The following AGPAT5 variants were observed in gnomAD, a reference collection of about 807,000 sequenced individuals.
AGPAT5 encodes 1-acylglycerol-3-phosphate O-acyltransferase 5.
A neutral mutation model predicts 45.6 loss-of-function variants in AGPAT5; 46 were observed. The observed-to-expected ratio is 1.01, with a 90% CI of 0.80 to 1.29. The LOEUF (loss-of-function observed/expected upper bound fraction) is 1.29. Ranked by LOEUF, AGPAT5 falls within the 50% of genes most tolerant of loss-of-function variation. AGPAT5 has a pLI of 0.00. For missense variants in AGPAT5, 673 were observed against 450.7 expected (o/e 1.49, Z -4.47); for synonymous variants, 272 against 167.0 (o/e 1.63, Z -4.85).
intron 5 of AGPAT5, among the ~76,000 whole-genome samples, chr8:6,744,036 T>G (rs1246474441): frequency 6.6e-6 from 1 of 152,138 alleles, no homozygotes; most frequent in African/African-American, 2.4e-5. Context: ...ATAAAAATTA[T>G]TTTTATGTCT....
chr8:6,757,380 A>G lies in AGPAT5; in HGVS notation c.1087A>G (p.Lys363Glu), dbSNP rs759532840. The change falls in exon 8 of 8, where the codon AAA becomes GAA. Residue 363 changes from lysine to glutamate, a missense_variant. Coordinates refer to ENST00000285518, the MANE Select transcript of AGPAT5 (RefSeq NM_018361.5). ...ACTTGGCTGCCTGTGGGTTACTATT[A>G]AAGCATAGACAAGTAGCTGTCTCCA... ...TLLGCLWVTI[K>E]A 3.1e-6 allele frequency: 5 copies of G among 1,613,988 alleles called. No individual in the cohort carries two copies. The highest frequency in any genetic ancestry group is 2.2e-5 in the East Asian group (1 of 44,880).
chr8:6,749,048 G>A (rs891084110), intron 6 of AGPAT5, among the ~76,000 whole-genome samples: 23 of 152,310 alleles, frequency 1.5e-4, no homozygotes, highest in Non-Finnish European at 2.1e-4. Context: ...AACCTTACAC[G>A]TAGGCCTTCT....
In AGPAT5 at chr8:6,716,277, CTG is replaced by C. The variant is rs551930079; in HGVS notation, c.219+7391_219+7392del. On this transcript the variant is annotated intron_variant, in intron 1 of 7. Coordinates refer to ENST00000285518, the MANE Select transcript of AGPAT5 (RefSeq NM_018361.5). Reference sequence around the variant, plus strand: ...CTTTTAACAAAAATGGTGGAGTAGTCTGGGCACGGTGTGGCTCATGCCTGTAA... The same window carrying C: ...CTTTTAACAAAAATGGTGGAGTAGTCGGCACGGTGTGGCTCATGCCTGTAA... Among the ~76,000 whole-genome samples the C allele has an allele frequency of 2.5e-3, 382 of 152,206 alleles. 2 individuals are homozygous for C. The highest frequency in any genetic ancestry group is 8.7e-3 in the African/African-American group (361 of 41,532).
Position 6,750,508 on chromosome 8 carries a change from C to G in AGPAT5, c.745+2680C>G, listed in dbSNP as rs373015046. ...ATTTCTGAATTAAAGGAAAAATACA[C>G]CAGAGTAAAATCAAGACTGAAAGAC... On this transcript the variant is annotated intron_variant, in intron 6 of 7. Transcript: ENST00000285518. Among the ~76,000 whole-genome samples the G allele has an allele frequency of 1.8e-3, 274 of 152,228 alleles. 9 individuals carry two copies. The South Asian group carries it at 0.053, about 29-fold the overall frequency.
At chr8:6,742,497 A>G (rs926834915) in intron 5 of AGPAT5, among the ~76,000 whole-genome samples, 7 of 152,106 alleles carry the variant, frequency 4.6e-5, no homozygotes, top group Non-Finnish European at 1.0e-4. Context: ...GTTGATAGTC[A>G]CTCACTGAGC....
rs1426379286 is a variant in AGPAT5, at chr8:6,708,788, C to G, written c.120C>G (p.Ala40=). Residue 40 remains alanine (A), a synonymous_variant, in exon 1 of 8, where the codon GCC becomes GCG. Coordinates refer to ENST00000285518, the MANE Select transcript of AGPAT5 (RefSeq NM_018361.5). ...LAWGVWRLLS[A]FLPARFYQAL... ...GGGGGGTCTGGCGGCTGCTCTCCGCCTTCCTGCCCGCCCGCTTCTACCAAG... is the reference window on the plus strand; with the variant it reads ...GGGGGGTCTGGCGGCTGCTCTCCGCGTTCCTGCCCGCCCGCTTCTACCAAG... The G allele has an allele frequency of 1.2e-6, 2 of 1,609,900 alleles. No individual in the cohort carries two copies. Among genetic ancestry groups the G allele is most frequent in the African/African-American group, 2.7e-5 (2 of 74,918 alleles).
chr8:6,713,164 C>T lies in AGPAT5; in HGVS notation c.219+4277C>T, dbSNP rs544555734. Among the ~76,000 whole-genome samples the T allele has an allele frequency of 8.5e-5, 13 of 152,270 alleles. 1 individual carries two copies. In the South Asian group the frequency reaches 2.7e-3, roughly 32 times the overall value. On this transcript the variant is annotated intron_variant, in intron 1 of 7. Transcript: ENST00000285518. ...TTAAAAGTTTTTGTAGAAATGGGGTCTTTCTGTGTTGCCCAGGCTGGTCTT... is the reference window on the plus strand; with the variant it reads ...TTAAAAGTTTTTGTAGAAATGGGGTTTTTCTGTGTTGCCCAGGCTGGTCTT...
chr8:6,732,512 A>G, intron 3 of AGPAT5, 49 bp from the exon 4 acceptor site: 4 of 1,507,182 alleles, frequency 2.7e-6, no homozygotes, highest in African/African-American at 1.4e-5. Flanking sequence ...ACTCTGGCCA[A>G]TTGTTATTTT....
intron 5 of AGPAT5, 52 bp from the exon 6 acceptor site, chr8:6,747,618 A>C (rs984379506): frequency 2.5e-5 from 38 of 1,516,372 alleles, no homozygotes; most frequent in Admixed American, 1.4e-4. Flanking sequence ...TAAACAGTAT[A>C]TTGTGGAGGT....
intron 2 of AGPAT5, among the ~76,000 whole-genome samples, chr8:6,728,532 C>T (rs1236384373): frequency 6.6e-6 from 1 of 152,210 alleles, no homozygotes; most frequent in South Asian, 2.1e-4. Context: ...GGAAATCTTA[C>T]ACTTTCTCTT....
chr8:6,708,951 CG>C, intron 1 of AGPAT5, 64 bp downstream of exon 1: 1 of 1,479,572 alleles, frequency 6.8e-7, no homozygotes, highest in Non-Finnish European at 9.2e-7. Context: ...CGGACCTCTC[CG>C]CTCCCCCACA....
chr8:6,741,638 C>A, intron 4 of AGPAT5, 23 bp from the exon 5 acceptor site: 3 of 1,539,258 alleles, frequency 1.9e-6, no homozygotes, highest in Admixed American at 2.0e-5. Context: ...CAAAATAAAC[C>A]AAATTTGCTC....
At chr8:6,749,969 C>T (rs1288571212) in intron 6 of AGPAT5, among the ~76,000 whole-genome samples, 1 of 152,168 alleles carries the variant, frequency 6.6e-6, no homozygotes, top group African/African-American at 2.4e-5. Flanking sequence ...TGCCGTGAAG[C>T]CTCGGCCGTG....
chr8:6,753,646 G>A (rs1235088719), intron 6 of AGPAT5, among the ~76,000 whole-genome samples: 2 of 152,158 alleles, frequency 1.3e-5, no homozygotes, highest in Non-Finnish European at 2.9e-5. Flanking sequence ...GGAGATCCAG[G>A]CTACCTGACT....
chr8:6,728,492 G>C (rs188017695), intron 2 of AGPAT5, among the ~76,000 whole-genome samples: 66 of 152,334 alleles, frequency 4.3e-4, no homozygotes, highest in Admixed American at 3.5e-3. Flanking sequence ...GCATAGCCCA[G>C]GGCAGCTTAT....
intron 2 of AGPAT5, among the ~76,000 whole-genome samples, chr8:6,725,836 C>G (rs908329662): frequency 2.0e-5 from 3 of 152,182 alleles, no homozygotes; most frequent in Non-Finnish European, 2.9e-5. Context: ...CAATATAGTA[C>G]TCTTAGGGAA....
intron 1 of AGPAT5, among the ~76,000 whole-genome samples, chr8:6,716,529 C>G (rs141894724): frequency 4.0e-5 from 6 of 151,754 alleles, no homozygotes; most frequent in African/African-American, 1.5e-4. Flanking sequence ...GAGACCCTGT[C>G]TCAAAAGAAA....
intron 6 of AGPAT5, among the ~76,000 whole-genome samples, chr8:6,748,503 G>GT (rs1211950920): frequency 2.0e-5 from 3 of 151,918 alleles, no homozygotes; most frequent in Non-Finnish European, 4.4e-5. Flanking sequence ...GGGTTTTTTT[G>GT]TTTTTCGTTT....
At chr8:6,725,396 G>C (rs546676709) in intron 2 of AGPAT5, among the ~76,000 whole-genome samples, 2 of 152,112 alleles carry the variant, frequency 1.3e-5, no homozygotes, top group African/African-American at 4.8e-5. Context: ...TCTTCAAATG[G>C]GTTTGGTTTA....
Sources: gnomAD v4.1 joint callset for allele counts (sites outside exome capture counted in the v4.1 genomes callset) on GRCh38, gnomAD v4.1.1 for gene constraint, MANE v1.5 for transcripts, NCBI Gene and HGNC (gene_info 2026-07-23, HGNC 2026-07-21) for gene names.